The following ANTXRL variants were observed in gnomAD, a reference collection of about 807,000 sequenced individuals.
The protein encoded by ANTXRL is ANTXR like.
ANTXRL carries 63 observed loss-of-function variants against 75.4 expected under a neutral mutation model. The observed-to-expected ratio is 0.84, with a 90% CI of 0.68 to 1.03. The LOEUF (loss-of-function observed/expected upper bound fraction) is 1.03, where lower values mean the gene tolerates loss of function less well. Among genes scored for constraint, ANTXRL ranks in the 50% least tolerant of loss-of-function variants. The probability of loss-of-function intolerance (pLI) is 0.00; values close to 1 mark genes in which losing one functional copy is unlikely to be tolerated. For synonymous variants in ANTXRL, 335 were observed against 291.3 expected (o/e 1.15, Z -1.53); for missense variants, 797 against 789.4 (o/e 1.01, Z -0.12).
At chr10:46,324,584 T>G (rs547193313) in intron 16 of ANTXRL, among the ~76,000 whole-genome samples, 1 of 152,298 alleles carries the variant, frequency 6.6e-6, no homozygotes, top group Non-Finnish European at 1.5e-5. Flanking sequence ...GAGAGCCCTT[T>G]AATTTCATTA....
At chr10:46,286,910 C>T, upstream of ANTXRL, 2 of 338,028 alleles carry the variant, frequency 5.9e-6, no homozygotes, top group South Asian at 7.5e-5. Context: ...CTCCAAAGGT[C>T]CTGTGCCTCC....
At chr10:46,295,096 A>G (rs1179944152) in intron 3 of ANTXRL, among the ~76,000 whole-genome samples, 1 of 152,196 alleles carries the variant, frequency 6.6e-6, no homozygotes, top group African/African-American at 2.4e-5. Flanking sequence ...CAGCCCCTGC[A>G]TGCACAGCTG....
Position 46,313,216 on chromosome 10 carries a change from A to C in ANTXRL, c.1330-20A>C. Reference sequence around the variant, plus strand: ...AGTGTCCAAGCTGCATGTCTTCCTCATGGCCACGTTGCTTTTCAGGGCAAT... The same window carrying C: ...AGTGTCCAAGCTGCATGTCTTCCTCCTGGCCACGTTGCTTTTCAGGGCAAT... On this transcript the variant is annotated intron_variant, in intron 15 of 16. Coordinates refer to ENST00000620264, the MANE Select transcript of ANTXRL (RefSeq NM_001278688.3). 1.3e-6 allele frequency: 2 copies of C among 1,534,744 alleles called. No individual in the cohort carries two copies. The highest frequency in any genetic ancestry group is 2.4e-5 in the South Asian group (2 of 84,030).
chr10:46,295,463 G>GGTTAGAGTTAGAGTTAGA lies in ANTXRL; in HGVS notation c.393-526_393-509dup, dbSNP rs74312662. ...GGTTCAGGGTTAAGGTTAGGGTTTG[G>GGTTAGAGTTAGAGTTAGA]GTTAGAGTTAGAGTTAGAGTTAGAG... On this transcript the variant is annotated intron_variant, in intron 3 of 16. Coordinates refer to ENST00000620264, the MANE Select transcript of ANTXRL (RefSeq NM_001278688.3). Among the ~76,000 whole-genome samples the GGTTAGAGTTAGAGTTAGA allele has an allele frequency of 2.1e-3, 187 of 90,130 alleles. 2 individuals are homozygous for GGTTAGAGTTAGAGTTAGA. Among genetic ancestry groups the GGTTAGAGTTAGAGTTAGA allele is most frequent in the African/African-American group, 3.4e-3 (83 of 24,710 alleles). 59.1% of individuals were successfully genotyped at this position (90,130 alleles called of 152,430 possible).
In ANTXRL at chr10:46,287,205, C is replaced by T. The variant is rs1554955410; in HGVS notation, c.-58C>T. 1 of 1,520,994 alleles carries T rather than the reference C, an allele frequency of 6.6e-7. No homozygotes were observed. Among genetic ancestry groups the T allele is most frequent in the Non-Finnish European group, 8.8e-7 (1 of 1,140,654 alleles). The allele number at this position is 1,520,994 out of a possible 1,614,324, so 94.2% of individuals were successfully genotyped here. A position where few individuals can be genotyped will look rare whatever the true frequency, so the allele number is the denominator to read the frequency against. On this transcript the variant is annotated 5_prime_UTR_variant, in exon 1 of 17. Transcript: ENST00000620264. ...CAAAGAAGGGGCCTGTGCTCAGCCTCTCTGGGCCCTGGCACAGGCACCCAA... is the reference window on the plus strand; with the variant it reads ...CAAAGAAGGGGCCTGTGCTCAGCCTTTCTGGGCCCTGGCACAGGCACCCAA...
At chr10:46,294,511 A>G (rs1319368284) in intron 3 of ANTXRL, among the ~76,000 whole-genome samples, 8 of 152,124 alleles carry the variant, frequency 5.3e-5, no homozygotes, top group Non-Finnish European at 8.8e-5. Context: ...AGGTGAGGGC[A>G]CTTCCAATGC....
At chr10:46,291,605 C>T (rs1554956497) in intron 1 of ANTXRL, among the ~76,000 whole-genome samples, 1 of 152,126 alleles carries the variant, frequency 6.6e-6, no homozygotes, top group Non-Finnish European at 1.5e-5. Context: ...CTATAGTTTT[C>T]AGTACACATT....
chr10:46,314,700 G>C (rs1295568818), intron 16 of ANTXRL, among the ~76,000 whole-genome samples: 1 of 152,148 alleles, frequency 6.6e-6, no homozygotes, highest in African/African-American at 2.4e-5. Flanking sequence ...TCAGGGCTCT[G>C]CCAGGCCCTT....
At chr10:46,328,114 C>T (rs1255897018) in intron 16 of ANTXRL, among the ~76,000 whole-genome samples, 4 of 152,094 alleles carry the variant, frequency 2.6e-5, no homozygotes, top group Non-Finnish European at 5.9e-5. Flanking sequence ...CAGCTTTCTG[C>T]CAGGACATGA....
In ANTXRL at chr10:46,296,008, A is replaced by AT. The variant is rs1554958504; in HGVS notation, c.393-4dup. ...CTTTCCAGGTCAACCACCTTTTTAA[A>AT]TTTTTTTCAGGAATAGAATAAAAAA... is the stretch of plus-strand genomic sequence containing the variant. On this transcript the variant is annotated splice_polypyrimidine_tract_variant and intron_variant, in intron 3 of 16. Transcript: ENST00000620264. 2 of 1,534,696 alleles carry AT rather than the reference A, an allele frequency of 1.3e-6. No homozygotes were observed. The highest frequency in any genetic ancestry group is 2.4e-5 in the South Asian group (2 of 84,006).
rs1837870386 is a variant in ANTXRL, at chr10:46,303,307, C to T, written c.895+487C>T. 2.0e-5 allele frequency among the ~76,000 whole-genome samples: 3 copies of T among 152,350 alleles called. No individual in the cohort carries two copies. The South Asian group carries it at 6.2e-4, about 32-fold the overall frequency. On this transcript the variant is annotated intron_variant, in intron 10 of 16. Transcript: ENST00000620264. ...AGGCCTGGGCCTTGGAATCCTGGCT[C>T]AGGCACACATTGCCTGTGTCACCTT...
rs1554959482 is a variant in ANTXRL, at chr10:46,297,999, C to T, written c.736-3C>T. ...GTCCCGCCCCACCCCTCCTGTGTTC[C>T]AGCTCACGTCAAAGGTCTGTCTTGA... On this transcript the variant is annotated splice_polypyrimidine_tract_variant and splice_region_variant and intron_variant, in intron 8 of 16. Transcript: ENST00000620264. 1.3e-6 allele frequency: 2 copies of T among 1,535,926 alleles called. No homozygotes were observed. The highest frequency in any genetic ancestry group is 2.4e-5 in the South Asian group (2 of 84,050).
intron 14 of ANTXRL, among the ~76,000 whole-genome samples, chr10:46,311,170 C>G (rs1221983901): frequency 6.6e-6 from 1 of 152,098 alleles, no homozygotes; most frequent in Non-Finnish European, 1.5e-5. Context: ...AGGGTGGCCT[C>G]TGCGGTGCTG....
chr10:46,289,319 A>T (rs1479659329), intron 1 of ANTXRL, among the ~76,000 whole-genome samples: 1 of 152,226 alleles, frequency 6.6e-6, no homozygotes, highest in Non-Finnish European at 1.5e-5. Flanking sequence ...GTGGGAAAAC[A>T]TACATAACAA....
In ANTXRL at chr10:46,297,826, T is replaced by G; in HGVS notation, c.655-5T>G. The G allele has an allele frequency of 6.5e-7, 1 of 1,535,798 alleles. No individual in the cohort carries two copies. Among genetic ancestry groups the G allele is most frequent in the African/African-American group, 1.4e-5 (1 of 73,108 alleles). ...GGGAGTCCAACCCAGCTCTGCTCTC[T>G]GTAGATAACAGCAATTGCAGACAGC... On this transcript the variant is annotated splice_polypyrimidine_tract_variant and splice_region_variant and intron_variant, in intron 7 of 16. Transcript: ENST00000620264.
chr10:46,311,367 G>A, intron 14 of ANTXRL, 143 bp from the exon 15 acceptor site: 2 of 1,204,454 alleles, frequency 1.7e-6, no homozygotes, highest in South Asian at 1.9e-5. Context: ...ACTAGGAGGA[G>A]TTTGCGTGTT....
intron 1 of ANTXRL, among the ~76,000 whole-genome samples, chr10:46,290,965 T>C (rs554258656): frequency 6.6e-6 from 1 of 152,300 alleles, no homozygotes; most frequent in African/African-American, 2.4e-5. Flanking sequence ...TTTTCTATTT[T>C]TAATTTTGTT....
chr10:46,323,552 T>C (rs551374840), intron 16 of ANTXRL, among the ~76,000 whole-genome samples: 15 of 152,306 alleles, frequency 9.8e-5, no homozygotes, highest in Non-Finnish European at 1.6e-4. Context: ...GTTGGACTTG[T>C]GAATTGAGTT....
chr10:46,301,117 C>T (rs1837712276), intron 9 of ANTXRL, among the ~76,000 whole-genome samples: 1 of 152,226 alleles, frequency 6.6e-6, no homozygotes, highest in Middle Eastern at 3.2e-3. Flanking sequence ...GCACTCAGCC[C>T]TGCTTAGAGT....
Sources: gnomAD v4.1 joint callset for allele counts (sites outside exome capture counted in the v4.1 genomes callset) on GRCh38, gnomAD v4.1.1 for gene constraint, MANE v1.5 for transcripts, NCBI Gene and HGNC (gene_info 2026-07-23, HGNC 2026-07-21) for gene names.